Variants in RIMKLB observed in about 807,000 individuals in gnomAD.
The protein encoded by RIMKLB is ribosomal modification protein rimK like family member B, also known as beta-citrylglutamate synthase B.
A neutral mutation model predicts 32.0 loss-of-function variants in RIMKLB; 7 were observed. The ratio of observed to expected loss-of-function variants is 0.22; its 90% CI spans 0.12 to 0.41. The LOEUF is 0.41. Among genes scored for constraint, RIMKLB ranks in the 10% least tolerant of loss-of-function variants. RIMKLB has a pLI of 1.00. For missense variants in RIMKLB, 289 were observed against 498.7 expected (o/e 0.58, Z 4.00); for synonymous variants, 172 against 185.1 (o/e 0.93, Z 0.57).
At chr12:8,757,643 C>T (rs1202075590) in intron 5 of RIMKLB, among the ~76,000 whole-genome samples, 5 of 152,150 alleles carry the variant, frequency 3.3e-5, no homozygotes, top group South Asian at 2.1e-4. Flanking sequence ...TGGTATTTAT[C>T]TTTCCTATAA....
chr12:8,678,335 T>C (rs950362018), upstream of RIMKLB, among the ~76,000 whole-genome samples: 4 of 150,656 alleles, frequency 2.7e-5, no homozygotes, highest in African/African-American at 7.4e-5. Flanking sequence ...TTTTTTCTTT[T>C]CTTTTTTTTT....
intron 1 of RIMKLB, among the ~76,000 whole-genome samples, chr12:8,710,324 T>G (rs2136899907): frequency 6.7e-6 from 1 of 149,670 alleles, no homozygotes; most frequent in South Asian, 2.1e-4. Flanking sequence ...TTTTTTTTTT[T>G]TTTGATGGAG....
At chr12:8,686,320 A>G (rs1942571145) in intron 1 of RIMKLB, among the ~76,000 whole-genome samples, 1 of 147,640 alleles carries the variant, frequency 6.8e-6, no homozygotes, top group African/African-American at 2.5e-5. Context: ...TTGGAGACGG[A>G]GTCTCACTCT....
In RIMKLB at chr12:8,690,916, C is replaced by T. The variant is rs779055534; in HGVS notation, n.219+9098C>T. On this transcript the variant is annotated intron_variant and non_coding_transcript_variant, in intron 1 of 1. Coordinates refer to the RIMKLB transcript ENST00000538758. Reference sequence around the variant, plus strand: ...CCAGCCTGGCGACAGAGCGAGAGTCCGTCTCAAAAAACAAAACAAAACAAA... The same window carrying T: ...CCAGCCTGGCGACAGAGCGAGAGTCTGTCTCAAAAAACAAAACAAAACAAA... 5.9e-5 allele frequency among the ~76,000 whole-genome samples: 9 copies of T among 151,968 alleles called. No homozygotes were observed. The South Asian group carries it at 1.3e-3, about 21-fold the overall frequency.
chr12:8,770,080 C>T (rs1443578687), intron 5 of RIMKLB, among the ~76,000 whole-genome samples: 3 of 151,432 alleles, frequency 2.0e-5, no homozygotes, highest in Non-Finnish European at 4.4e-5. Context: ...TAAAGTGATT[C>T]TCCTATCTTG....
intron 5 of RIMKLB, among the ~76,000 whole-genome samples, chr12:8,765,474 T>TTA (rs1949878310): frequency 6.6e-6 from 1 of 152,144 alleles, no homozygotes; most frequent in Non-Finnish European, 1.5e-5. Flanking sequence ...TCATTTGGTG[T>TTA]TAGTGTCTGA....
At chr12:8,692,866 C>T (rs1942772985), upstream of RIMKLB, among the ~76,000 whole-genome samples, 1 of 152,236 alleles carries the variant, frequency 6.6e-6, no homozygotes, top group Non-Finnish European at 1.5e-5. Context: ...GCAGCTGCCG[C>T]TACCGTTCCT....
At chr12:8,713,319 A>G (rs1446673812) in intron 1 of RIMKLB, among the ~76,000 whole-genome samples, 1 of 151,982 alleles carries the variant, frequency 6.6e-6, no homozygotes, top group Admixed American at 6.6e-5. Flanking sequence ...TTTTCTACAT[A>G]CCTATAACAA....
upstream of RIMKLB, among the ~76,000 whole-genome samples, chr12:8,676,940 G>T (rs1942346734): frequency 6.6e-6 from 1 of 151,910 alleles, no homozygotes; most frequent in African/African-American, 2.4e-5. Context: ...TCCAAAATTG[G>T]AATGTCACCA....
chr12:8,769,970 ATTT>A, intron 5 of RIMKLB, among the ~76,000 whole-genome samples: 1 of 141,438 alleles, frequency 7.1e-6, no homozygotes, highest in East Asian at 2.1e-4. Flanking sequence ...TGTAGCAATA[ATTT>A]TTTTTTTTTT....
At chr12:8,777,625 CA>C (rs1279054656), downstream of RIMKLB, 1 of 1,288,558 alleles carries the variant, frequency 7.8e-7, no homozygotes, top group Non-Finnish European at 1.0e-6. Flanking sequence ...TACAAACAAA[CA>C]AAAAAATACC....
chr12:8,732,606 A>G (rs1373663038), intron 2 of RIMKLB, among the ~76,000 whole-genome samples: 1 of 152,238 alleles, frequency 6.6e-6, no homozygotes. Flanking sequence ...TTTAACATTA[A>G]TAACTATTGT....
rs766385976 is a variant in RIMKLB, at chr12:8,685,088, G to A, written n.219+3270G>A. ...TTATATAGGCAATCATGTCATCTGC[G>A]AACAGAGTTTTATTTCTTCCTTCTC... is the stretch of plus-strand genomic sequence containing the variant. On this transcript the variant is annotated intron_variant and non_coding_transcript_variant, in intron 1 of 1. Transcript: ENST00000538758. 1.9e-4 allele frequency among the ~76,000 whole-genome samples: 29 copies of A among 152,224 alleles called. No homozygotes were observed. The East Asian group carries it at 5.0e-3, about 26-fold the overall frequency.
chr12:8,721,752 GT>G (rs532348494), intron 2 of RIMKLB, among the ~76,000 whole-genome samples: 19 of 150,474 alleles, frequency 1.3e-4, no homozygotes, highest in Non-Finnish European at 2.5e-4. Context: ...TTTGTTTTTT[GT>G]TTTTTTTTGA....
At chr12:8,716,725 CTTTTTTT>C (rs71451981) in intron 2 of RIMKLB, among the ~76,000 whole-genome samples, 2 of 95,154 alleles carry the variant, frequency 2.1e-5, no homozygotes, top group African/African-American at 4.0e-5. Context: ...TCTTTTCCTT[CTTTTTTT>C]TTTTTTTTTT....
intron 1 of RIMKLB, among the ~76,000 whole-genome samples, chr12:8,691,232 C>T (rs998574812): frequency 6.6e-6 from 1 of 152,152 alleles, no homozygotes; most frequent in African/African-American, 2.4e-5. Flanking sequence ...CTCAAGCAAT[C>T]CTCCTGCCTC....
intron 2 of RIMKLB, among the ~76,000 whole-genome samples, chr12:8,723,535 C>T (rs1045716485): frequency 1.1e-4 from 16 of 151,972 alleles, no homozygotes; most frequent in Non-Finnish European, 1.6e-4. Context: ...GACACAGGGT[C>T]GCCACAAATC....
At chr12:8,771,528 G>T (rs972728497) in intron 5 of RIMKLB, among the ~76,000 whole-genome samples, 1 of 152,188 alleles carries the variant, frequency 6.6e-6, no homozygotes, top group Non-Finnish European at 1.5e-5. Context: ...CTTGGAAGAA[G>T]AATAATACTT....
chr12:8,744,657 T>G (rs1269040366), intron 2 of RIMKLB, among the ~76,000 whole-genome samples: 1 of 151,682 alleles, frequency 6.6e-6, no homozygotes, highest in Admixed American at 6.6e-5. Flanking sequence ...TGCTAGTTTT[T>G]TAAACTTTAT....
Sources: allele counts gnomAD v4.1 joint callset (sites outside exome capture counted in the v4.1 genomes callset), GRCh38; gene constraint gnomAD v4.1.1; transcripts MANE v1.5; gene names NCBI Gene and HGNC (gene_info 2026-07-23, HGNC 2026-07-21).